Variants in NAALADL2 observed in about 807,000 individuals in gnomAD.
The protein encoded by NAALADL2 is inactive N-acetylated-alpha-linked acidic dipeptidase-like protein 2.
In NAALADL2, 76 loss-of-function variants were observed where a neutral mutation model predicts 87.2. That is an observed-to-expected ratio of 0.87 (90% CI 0.72 to 1.05). The LOEUF (loss-of-function observed/expected upper bound fraction) is 1.05. Among genes scored for constraint, NAALADL2 ranks in the 50% least tolerant of loss-of-function variants. The probability of loss-of-function intolerance (pLI) is 0.00; values close to 1 mark genes in which losing one functional copy is unlikely to be tolerated. For synonymous variants in NAALADL2, 354 were observed against 331.0 expected (o/e 1.07, Z -0.75); for missense variants, 1,089 against 945.8 (o/e 1.15, Z -1.99).
At chr3:174,882,578 T>C (rs1268948639) in intron 1 of NAALADL2, among the ~76,000 whole-genome samples, 2 of 149,902 alleles carry the variant, frequency 1.3e-5, no homozygotes, top group African/African-American at 2.5e-5. Context: ...CATATGTGCT[T>C]ATACACATAT....
At chr3:174,587,536 G>A (rs1381645886) in intron 2 of NAALADL2, among the ~76,000 whole-genome samples, 1 of 152,092 alleles carries the variant, frequency 6.6e-6, no homozygotes, top group Non-Finnish European at 1.5e-5. Context: ...TCCATGTTTA[G>A]TGCTTCCTTC....
At chr3:174,893,588 C>T (rs1489115733) in intron 1 of NAALADL2, among the ~76,000 whole-genome samples, 3 of 152,078 alleles carry the variant, frequency 2.0e-5, no homozygotes, top group South Asian at 4.2e-4. Context: ...TTCTTAGTTT[C>T]CTTTGTGCTT....
At chr3:175,499,529 C>G (rs1363499604) in intron 9 of NAALADL2, among the ~76,000 whole-genome samples, 1 of 151,094 alleles carries the variant, frequency 6.6e-6, no homozygotes, top group Admixed American at 6.6e-5. Flanking sequence ...TTTTTAACTT[C>G]TGAGGTTTTA....
intron 1 of NAALADL2, among the ~76,000 whole-genome samples, chr3:174,975,490 CATTATTTTTA>C: frequency 6.6e-6 from 1 of 152,148 alleles, no homozygotes; most frequent in Admixed American, 6.5e-5. Flanking sequence ...AATTTTTTTC[CATTATTTTTA>C]ATGACAAAAA....
At chr3:174,887,208 C>T (rs1312426742) in intron 1 of NAALADL2, among the ~76,000 whole-genome samples, 1 of 152,118 alleles carries the variant, frequency 6.6e-6, no homozygotes, top group African/African-American at 2.4e-5. Context: ...TTTTTGCCTG[C>T]TCTACAGCAC....
At chr3:174,893,957 T>C (rs1299847331) in intron 1 of NAALADL2, among the ~76,000 whole-genome samples, 3 of 152,172 alleles carry the variant, frequency 2.0e-5, no homozygotes, top group East Asian at 1.9e-4. Flanking sequence ...GACCCATTGA[T>C]TGGTTGCTTA....
chr3:174,864,671 A>G (rs1193530625), intron 1 of NAALADL2, among the ~76,000 whole-genome samples: 1 of 152,074 alleles, frequency 6.6e-6, no homozygotes, highest in Non-Finnish European at 1.5e-5. Flanking sequence ...TTCTTTGAAC[A>G]AAAGATGCAG....
chr3:175,084,289 T>C (rs1244628456), intron 1 of NAALADL2, among the ~76,000 whole-genome samples: 1 of 152,138 alleles, frequency 6.6e-6, no homozygotes, highest in African/African-American at 2.4e-5. Context: ...TGGCCTATTT[T>C]TTTGCTCCAC....
At chr3:175,617,950 C>T (rs894445444) in intron 10 of NAALADL2, among the ~76,000 whole-genome samples, 4 of 152,110 alleles carry the variant, frequency 2.6e-5, no homozygotes, top group African/African-American at 4.8e-5. Flanking sequence ...ATTTCATCAT[C>T]GGGGTCCCAT....
chr3:175,602,169 A>G, intron 10 of NAALADL2, among the ~76,000 whole-genome samples: 1 of 152,132 alleles, frequency 6.6e-6, no homozygotes, highest in South Asian at 2.1e-4. Context: ...GTAACTATTG[A>G]TAGAAGAGTA....
intron 1 of NAALADL2, among the ~76,000 whole-genome samples, chr3:174,501,239 C>T (rs1017384912): frequency 9.4e-5 from 14 of 148,812 alleles, no homozygotes; most frequent in African/African-American, 3.1e-4. Context: ...CCACTACGCC[C>T]GGCTAATTTT....
At chr3:174,649,390 T>C (rs1259956907) in intron 2 of NAALADL2, among the ~76,000 whole-genome samples, 2 of 152,196 alleles carry the variant, frequency 1.3e-5, no homozygotes, top group African/African-American at 4.8e-5. Context: ...ATTTTCTAGT[T>C]ATATAAAATA....
chr3:175,569,604 A>T (rs974633693), intron 9 of NAALADL2, among the ~76,000 whole-genome samples: 1 of 152,120 alleles, frequency 6.6e-6, no homozygotes, highest in African/African-American at 2.4e-5. Flanking sequence ...TTATAAAAAG[A>T]GAGGTAGATA....
intron 2 of NAALADL2, among the ~76,000 whole-genome samples, chr3:174,654,060 T>G (rs1291125861): frequency 1.4e-5 from 2 of 143,962 alleles, no homozygotes; most frequent in East Asian, 4.1e-4. Flanking sequence ...TAAGATGGCT[T>G]TGTGTGTGTG....
chr3:175,310,418 A>G (rs1205026905), intron 4 of NAALADL2, among the ~76,000 whole-genome samples: 2 of 152,070 alleles, frequency 1.3e-5, no homozygotes, highest in Non-Finnish European at 2.9e-5. Context: ...AAATAGAAGA[A>G]TGTTGATTCT....
intron 1 of NAALADL2, among the ~76,000 whole-genome samples, chr3:174,925,067 T>C (rs1056758954): frequency 2.0e-5 from 3 of 152,198 alleles, no homozygotes; most frequent in Admixed American, 6.5e-5. Context: ...GTAAGCTCTT[T>C]CGTTTAATTA....
chr3:174,821,647 C>T (rs1721436880), intron 3 of NAALADL2, among the ~76,000 whole-genome samples: 1 of 152,136 alleles, frequency 6.6e-6, no homozygotes, highest in Admixed American at 6.5e-5. Context: ...TCTGACTTCC[C>T]AGAGGACTCA....
At chr3:174,790,324 T>G (rs1717305710) in intron 3 of NAALADL2, among the ~76,000 whole-genome samples, 1 of 152,168 alleles carries the variant, frequency 6.6e-6, no homozygotes, top group South Asian at 2.1e-4. Context: ...CTCCTTTCCA[T>G]TACATGCCTT....
At chr3:175,253,595 AT>A (rs1348955878) in intron 3 of NAALADL2, among the ~76,000 whole-genome samples, 15 of 152,194 alleles carry the variant, frequency 9.9e-5, no homozygotes, top group Non-Finnish European at 1.6e-4. Flanking sequence ...TAAGAAATAT[AT>A]TTGTAAGATT....
Sources: allele counts gnomAD v4.1 joint callset (sites outside exome capture counted in the v4.1 genomes callset), GRCh38; gene constraint gnomAD v4.1.1; transcripts MANE v1.5; gene names NCBI Gene and HGNC (gene_info 2026-07-23, HGNC 2026-07-21).